The following BCKDHB variants were observed in gnomAD, a reference collection of about 807,000 sequenced individuals.
The protein encoded by BCKDHB is branched chain keto acid dehydrogenase E1 subunit beta, also known as 2-oxoisovalerate dehydrogenase subunit beta, mitochondrial.
In BCKDHB, 41 loss-of-function variants were observed where a neutral mutation model predicts 48.5. The observed-to-expected ratio is 0.85, with a 90% CI of 0.66 to 1.10. The LOEUF (loss-of-function observed/expected upper bound fraction) is 1.10. BCKDHB is among the 50% of genes least tolerant of loss of function. The pLI is 0.00. For synonymous variants in BCKDHB, 201 were observed against 174.8 expected (o/e 1.15, Z -1.18); for missense variants, 496 against 494.2 (o/e 1.00, Z -0.03).
chr6:80,158,934 T>C (rs1048278886), intron 3 of BCKDHB, among the ~76,000 whole-genome samples: 6 of 152,212 alleles, frequency 3.9e-5, no homozygotes, highest in Non-Finnish European at 7.3e-5. Context: ...ACAGGATTGC[T>C]TATTCAGTGT....
chr6:80,327,976 G>A (rs771217449), intron 9 of BCKDHB, among the ~76,000 whole-genome samples: 18 of 116,526 alleles, frequency 1.5e-4, no homozygotes, highest in Admixed American at 3.5e-4. Context: ...CCATCTGTAT[G>A]TTCTTTTCTT....
rs1158972950 is a variant in BCKDHB at position 80,345,245 on chromosome 6, A to T, written c.*1441A>T. The T allele has an allele frequency of 6.6e-6, 1 of 152,216 alleles. No individual in the cohort carries two copies. Among genetic ancestry groups the T allele is most frequent in the Non-Finnish European group, 1.5e-5 (1 of 68,048 alleles). 9.4% of individuals were successfully genotyped at this position (152,216 alleles called of 1,614,324 possible). A position where few individuals can be genotyped will look rare whatever the true frequency, so the allele number is the denominator to read the frequency against. ...TTTTGAAATGTTTCAAAATGAGTAG[A>T]TATGATTAGATCCTTTACCTTTTAA... On this transcript the variant is annotated 3_prime_UTR_variant, in exon 10 of 10. Coordinates refer to ENST00000320393, the MANE Select transcript of BCKDHB (RefSeq NM_183050.4).
intron 8 of BCKDHB, among the ~76,000 whole-genome samples, chr6:80,214,439 G>T (rs1775076346): frequency 6.6e-6 from 1 of 152,096 alleles, no homozygotes; most frequent in African/African-American, 2.4e-5. Flanking sequence ...TTTAAAAATT[G>T]GTTACTTGAA....
intron 1 of BCKDHB, among the ~76,000 whole-genome samples, chr6:80,119,746 T>C (rs1769904286): frequency 2.0e-5 from 3 of 152,210 alleles, no homozygotes; most frequent in Admixed American, 6.5e-5. Flanking sequence ...ATGGCAGATA[T>C]AGCTTTACAA....
At chr6:80,212,145 TAAAC>T (rs1774964993) in intron 8 of BCKDHB, among the ~76,000 whole-genome samples, 1 of 152,026 alleles carries the variant, frequency 6.6e-6, no homozygotes, top group Non-Finnish European at 1.5e-5. Flanking sequence ...ATAAGCATCT[TAAAC>T]AACAGAAAAC....
At chr6:80,246,300 G>A (rs1320036791) in intron 8 of BCKDHB, among the ~76,000 whole-genome samples, 1 of 152,158 alleles carries the variant, frequency 6.6e-6, no homozygotes, top group Non-Finnish European at 1.5e-5. Context: ...TCCAGTCTGT[G>A]GTCCCCTGGT....
intron 8 of BCKDHB, among the ~76,000 whole-genome samples, chr6:80,235,155 T>C (rs1176366880): frequency 6.6e-6 from 1 of 152,170 alleles, no homozygotes; most frequent in African/African-American, 2.4e-5. Context: ...AGCTAGAAGA[T>C]CTACAATGTT....
intron 9 of BCKDHB, among the ~76,000 whole-genome samples, chr6:80,331,962 G>A (rs924163397): frequency 2.0e-5 from 3 of 151,934 alleles, no homozygotes; most frequent in Admixed American, 6.6e-5. Flanking sequence ...ATTTGGGGGG[G>A]ACTAGGAATT....
At chr6:80,428,534 T>C in the BCKDHB span, among the ~76,000 whole-genome samples, 12 of 152,218 alleles carry the variant, frequency 7.9e-5, no homozygotes, top group African/African-American at 2.4e-4. Context: ...CCAGCATCTG[T>C]TGTTTCCTGA....
chr6:80,276,338 A>G (rs900384169), intron 9 of BCKDHB, among the ~76,000 whole-genome samples: 14 of 152,054 alleles, frequency 9.2e-5, no homozygotes, highest in African/African-American at 3.1e-4. Context: ...AATATGAACT[A>G]TGCTGTTTTA....
intron 9 of BCKDHB, among the ~76,000 whole-genome samples, chr6:80,328,994 A>T (rs540581523): frequency 6.6e-6 from 1 of 152,260 alleles, no homozygotes; most frequent in East Asian, 1.9e-4. Flanking sequence ...ATAATCATTT[A>T]AAAAATACTG....
At chr6:80,114,042 G>A (rs1769554361) in intron 1 of BCKDHB, among the ~76,000 whole-genome samples, 3 of 152,170 alleles carry the variant, frequency 2.0e-5, no homozygotes, top group Non-Finnish European at 4.4e-5. Flanking sequence ...CATCTGCCAC[G>A]CAGAAAAGGG....
chr6:80,393,921 T>A, the BCKDHB span, among the ~76,000 whole-genome samples: 1 of 152,222 alleles, frequency 6.6e-6, no homozygotes, highest in Non-Finnish European at 1.5e-5. Flanking sequence ...AAAACTTGAG[T>A]TTCTAAAACA....
the BCKDHB span, among the ~76,000 whole-genome samples, chr6:80,364,594 G>A: frequency 1.3e-5 from 2 of 151,922 alleles, no homozygotes; most frequent in Admixed American, 6.6e-5. Context: ...TTTTTTCTTC[G>A]AGACTCTTTG....
chr6:80,204,673 A>G (rs1043291163), intron 8 of BCKDHB, among the ~76,000 whole-genome samples: 5 of 152,080 alleles, frequency 3.3e-5, no homozygotes, highest in African/African-American at 1.2e-4. Context: ...CTATCTATAT[A>G]TATATAAATA....
chr6:80,314,911 C>T (rs190344837), intron 9 of BCKDHB, among the ~76,000 whole-genome samples: 2 of 152,258 alleles, frequency 1.3e-5, no homozygotes, highest in African/African-American at 4.8e-5. Flanking sequence ...CGGCGGGACT[C>T]GCTGCTCATC....
At chr6:80,121,246 T>A (rs1203924492) in intron 1 of BCKDHB, among the ~76,000 whole-genome samples, 1 of 152,258 alleles carries the variant, frequency 6.6e-6, no homozygotes, top group African/African-American at 2.4e-5. Context: ...ACCAGTACCA[T>A]GCTGTTTTGG....
chr6:80,253,728 G>A (rs1000746593), intron 8 of BCKDHB, among the ~76,000 whole-genome samples: 11 of 151,966 alleles, frequency 7.2e-5, no homozygotes, highest in Admixed American at 5.2e-4. Flanking sequence ...GCCCCCCAAA[G>A]TCATAGCTAT....
intron 8 of BCKDHB, among the ~76,000 whole-genome samples, chr6:80,228,391 G>T (rs900389194): frequency 4.3e-4 from 65 of 152,150 alleles, no homozygotes; most frequent in African/African-American, 1.4e-3. Flanking sequence ...GATAAGTGTG[G>T]GGACATCTCC....
Sources: allele counts gnomAD v4.1 joint callset (sites outside exome capture counted in the v4.1 genomes callset), GRCh38; gene constraint gnomAD v4.1.1; transcripts MANE v1.5; gene names NCBI Gene and HGNC (gene_info 2026-07-23, HGNC 2026-07-21).